Variants in ELMO1 observed in about 807,000 individuals in gnomAD.
The protein encoded by ELMO1 is engulfment and cell motility protein 1.
ELMO1 carries 26 observed loss-of-function variants against 98.9 expected under a neutral mutation model. The observed-to-expected ratio is 0.26, with a 90% CI of 0.19 to 0.36. The LOEUF (loss-of-function observed/expected upper bound fraction) is 0.36, where lower values mean the gene tolerates loss of function less well. Ranked by LOEUF, ELMO1 falls within the 10% of genes least tolerant of loss-of-function variation. ELMO1 has a pLI of 1.00. For synonymous variants in ELMO1, 346 were observed against 346.0 expected (o/e 1.00, Z 0.00); for missense variants, 627 against 935.2 (o/e 0.67, Z 4.30).
intron 5 of ELMO1, among the ~76,000 whole-genome samples, chr7:37,266,566 T>C (rs867908057): frequency 1.3e-5 from 2 of 152,330 alleles, no homozygotes; most frequent in South Asian, 2.1e-4. Flanking sequence ...TCGCTTATAA[T>C]AGGGTTCACA....
At position 37,213,531 on chromosome 7, in the gene ELMO1, A is replaced by G; in HGVS notation, c.832-74T>C. 2.8e-6 allele frequency: 4 copies of G among 1,411,320 alleles called. No individual in the cohort carries two copies. The South Asian group carries it at 5.2e-5, about 18-fold the overall frequency. 87.4% of individuals were successfully genotyped at this position (1,411,320 alleles called of 1,614,324 possible). A position where few individuals can be genotyped will look rare whatever the true frequency, so the allele number is the denominator to read the frequency against. The stretch of plus-strand genomic sequence containing the variant: ...AAACAACTAGAATTAACACTCAAGA[A>G]GGCTCTCACAGTCTTCACTGGGAGG... On this transcript the variant is annotated intron_variant, in intron 11 of 21. Coordinates refer to ENST00000310758, the MANE Select transcript of ELMO1 (RefSeq NM_014800.11).
rs1784680832 is a variant in ELMO1 at position 37,102,153 on chromosome 7, C to T, written c.1192-5426G>A. Among the ~76,000 whole-genome samples the T allele has an allele frequency of 3.3e-5, 5 of 152,246 alleles. No individual in the cohort carries two copies. In the South Asian group the frequency reaches 1.0e-3, roughly 32 times the overall value. ...ATCATATCCCAAGACCCAGACCTACCCCAGGGTCAAAGAATAAGCCCAGTT... is the reference window on the plus strand; with the variant it reads ...ATCATATCCCAAGACCCAGACCTACTCCAGGGTCAAAGAATAAGCCCAGTT... On this transcript the variant is annotated intron_variant, in intron 14 of 21. Coordinates refer to ENST00000310758, the MANE Select transcript of ELMO1 (RefSeq NM_014800.11).
At chr7:37,304,202 T>C (rs147756798) in intron 4 of ELMO1, among the ~76,000 whole-genome samples, 182 of 152,324 alleles carry the variant, frequency 1.2e-3, no homozygotes, top group Non-Finnish European at 1.9e-3. Flanking sequence ...GAAAGTCTAC[T>C]GCCAATTTAG....
intron 18 of ELMO1, among the ~76,000 whole-genome samples, chr7:36,879,493 C>T (rs773242186): frequency 6.6e-6 from 1 of 152,246 alleles, no homozygotes; most frequent in Non-Finnish European, 1.5e-5. Context: ...GTGGTTTTCT[C>T]TCTAAAATTG....
In ELMO1 at chr7:37,259,162, T is replaced by C. The variant is rs1373942663; in HGVS notation, c.413+19A>G. 1.9e-6 allele frequency: 3 copies of C among 1,598,012 alleles called. No individual in the cohort carries two copies. Among genetic ancestry groups the C allele is most frequent in the Non-Finnish European group, 2.6e-6 (3 of 1,169,708 alleles). On this transcript the variant is annotated intron_variant, in intron 6 of 21. Coordinates refer to ENST00000310758, the MANE Select transcript of ELMO1 (RefSeq NM_014800.11). ...AGACACGCAGGACAGCTGTGGAAGTTAGGAAAAAAGACGCTTACTCAGTGC... is the reference window on the plus strand; with the variant it reads ...AGACACGCAGGACAGCTGTGGAAGTCAGGAAAAAAGACGCTTACTCAGTGC...
In ELMO1 at chr7:37,031,630, T is replaced by G. The variant is rs559161972; in HGVS notation, c.1301-18195A>C. On this transcript the variant is annotated intron_variant, in intron 15 of 21. Coordinates refer to ENST00000310758, the MANE Select transcript of ELMO1 (RefSeq NM_014800.11). ...ACCCTCTGCCACTTTTCCAATGCTC[T>G]GTTTGCTTTTTTGTCTCCTTGTGGA... Among the ~76,000 whole-genome samples the G allele has an allele frequency of 5.3e-5, 8 of 152,276 alleles. No homozygotes were observed. In the East Asian group the frequency reaches 1.6e-3, roughly 30 times the overall value.
chr7:36,991,762 G>A (rs1584486600), intron 16 of ELMO1, among the ~76,000 whole-genome samples: 1 of 152,286 alleles, frequency 6.6e-6, no homozygotes, highest in African/African-American at 2.4e-5. Flanking sequence ...GATAAGCCTG[G>A]ACATCTGTGG....
intron 15 of ELMO1, 64 bp downstream of exon 15, chr7:37,096,555 G>A: frequency 7.1e-7 from 1 of 1,414,686 alleles, no homozygotes; most frequent in Non-Finnish European, 1.0e-6. Context: ...CACAGGTAGG[G>A]GCACAACCCT....
chr7:37,371,096 C>T (rs1802098142), intron 1 of ELMO1, among the ~76,000 whole-genome samples: 1 of 152,158 alleles, frequency 6.6e-6, no homozygotes, highest in Non-Finnish European at 1.5e-5. Flanking sequence ...ACTACATCTA[C>T]ATGGGTGAAC....
At chr7:36,974,027 T>C (rs1790255163) in intron 16 of ELMO1, among the ~76,000 whole-genome samples, 1 of 152,144 alleles carries the variant, frequency 6.6e-6, no homozygotes, top group Non-Finnish European at 1.5e-5. Context: ...TCCCCCCCAC[T>C]CCGTGGGCTC....
intron 13 of ELMO1, among the ~76,000 whole-genome samples, chr7:37,158,571 C>G (rs1788965537): frequency 6.6e-6 from 1 of 152,138 alleles, no homozygotes; most frequent in Non-Finnish European, 1.5e-5. Context: ...CATCACTGAC[C>G]ATCAGAGAAA....
At chr7:37,291,967 CTCTCTTT>C in intron 4 of ELMO1, among the ~76,000 whole-genome samples, 1 of 32,158 alleles carries the variant, frequency 3.1e-5, no homozygotes, top group East Asian at 2.2e-3. Context: ...CTCCCTCTCC[CTCTCTTT>C]CCACGGTCTC....
At chr7:37,389,163 T>A (rs529755634) in intron 1 of ELMO1, among the ~76,000 whole-genome samples, 12 of 152,344 alleles carry the variant, frequency 7.9e-5, no homozygotes, top group African/African-American at 2.9e-4. Flanking sequence ...TAGAGAGGGC[T>A]AATTTGTGGG....
intron 16 of ELMO1, among the ~76,000 whole-genome samples, chr7:36,933,915 C>T (rs1477446791): frequency 6.6e-6 from 1 of 152,228 alleles, no homozygotes; most frequent in African/African-American, 2.4e-5. Flanking sequence ...AACAGCTCTG[C>T]TGTACAGCAA....
intron 6 of ELMO1, among the ~76,000 whole-genome samples, chr7:37,248,157 T>C (rs1346625251): frequency 6.6e-6 from 1 of 151,270 alleles, no homozygotes; most frequent in Non-Finnish European, 1.5e-5. Context: ...GAAATTTTTG[T>C]TGCAACATCT....
intron 5 of ELMO1, chr7:37,270,661 C>T (rs1381713818): frequency 6.6e-6 from 1 of 152,056 alleles, no homozygotes; most frequent in Non-Finnish European, 1.5e-5. Context: ...AAAGTATCTC[C>T]AAGCAAGTAG....
intron 14 of ELMO1, among the ~76,000 whole-genome samples, chr7:37,107,732 C>T (rs1443518988): frequency 6.6e-6 from 1 of 152,220 alleles, no homozygotes; most frequent in Admixed American, 6.5e-5. Context: ...ACAGTTACTG[C>T]TGTCTTAAAG....
At chr7:37,153,778 C>A (rs1047320592) in intron 13 of ELMO1, among the ~76,000 whole-genome samples, 1 of 152,192 alleles carries the variant, frequency 6.6e-6, no homozygotes, top group Non-Finnish European at 1.5e-5. Context: ...AACATCTCTA[C>A]CAGACAGCTC....
At chr7:37,105,452 G>A (rs1784891133) in intron 14 of ELMO1, among the ~76,000 whole-genome samples, 1 of 152,150 alleles carries the variant, frequency 6.6e-6, no homozygotes, top group Non-Finnish European at 1.5e-5. Flanking sequence ...GCACCTGTAG[G>A]CTTTACTCCA....
Sources: allele counts gnomAD v4.1 joint callset (sites outside exome capture counted in the v4.1 genomes callset), GRCh38; gene constraint gnomAD v4.1.1; transcripts MANE v1.5; gene names NCBI Gene and HGNC (gene_info 2026-07-23, HGNC 2026-07-21).